The following USP43 variants were observed in gnomAD, a reference collection of about 807,000 sequenced individuals.
USP43 encodes ubiquitin carboxyl-terminal hydrolase 43.
Under a neutral mutation model 90.7 loss-of-function variants are expected in USP43, and 33 were observed. The ratio of observed to expected loss-of-function variants is 0.36; its 90% confidence interval spans 0.28 to 0.49. The LOEUF (loss-of-function observed/expected upper bound fraction) is 0.49, where lower values mean the gene tolerates loss of function less well. Among genes scored for constraint, USP43 ranks in the 20% least tolerant of loss-of-function variants. The pLI, the probability that USP43 is intolerant of heterozygous loss-of-function variation, is 0.98. For synonymous variants in USP43, 598 were observed against 615.8 expected, an observed-to-expected ratio of 0.97 and a Z score of 0.43; for missense variants, 1,274 against 1,476.4, an observed-to-expected ratio of 0.86 and a Z score of 2.25.
At chr17:9,677,124 A>G (rs748847078) in intron 5 of USP43, among the ~76,000 whole-genome samples, 53 of 152,202 alleles carry the variant, frequency 3.5e-4, no homozygotes, top group Non-Finnish European at 6.6e-4. Flanking sequence ...TTATGATCAT[A>G]ATAATTCCAG....
chr17:9,685,337 A>T (rs1914538997), intron 7 of USP43, among the ~76,000 whole-genome samples: 2 of 152,206 alleles, frequency 1.3e-5, no homozygotes, highest in Non-Finnish European at 2.9e-5. Context: ...CTCACCCAGC[A>T]TTCTGTACAC....
At chr17:9,683,874 A>C (rs998386805) in intron 7 of USP43, among the ~76,000 whole-genome samples, 5 of 152,218 alleles carry the variant, frequency 3.3e-5, no homozygotes, top group Admixed American at 1.3e-4. Flanking sequence ...ACTAGAGAAA[A>C]GGAAGCCATG....
rs1388858027 is a variant in USP43 at position 9,709,329 on chromosome 17, G to A, written c.2012-627G>A. On this transcript the variant is annotated intron_variant, in intron 12 of 14. Transcript: ENST00000285199. The surrounding 1 kb of genome is among the most constrained non-coding windows in gnomAD (Gnocchi z 5.0). ...TGAAGCTTCTCAGAAGAAATGGGGT[G>A]AACGCTGACATTATTGTTTGGCTAC... is the stretch of plus-strand genomic sequence containing the variant. 6.6e-6 allele frequency among the ~76,000 whole-genome samples: 1 copy of A among 152,164 alleles called. No homozygotes were observed. Among genetic ancestry groups the A allele is most frequent in the African/African-American group, 2.4e-5 (1 of 41,422 alleles).
At position 9,729,100 on chromosome 17, in the gene USP43, C is replaced by G; in HGVS notation, c.*110C>G. 1 of 1,190,414 alleles carries G rather than the reference C, an allele frequency of 8.4e-7. No homozygotes were observed. Among genetic ancestry groups the G allele is most frequent in the Non-Finnish European group, 1.1e-6 (1 of 904,778 alleles). 73.7% of individuals were successfully genotyped at this position (1,190,414 alleles called of 1,614,324 possible). A position where few individuals can be genotyped will look rare whatever the true frequency, so the allele number is the denominator to read the frequency against. ...CAGGAAACCCGTTGTCTTGTAATCT[C>G]TAAAAAAAAATTTTTTTTTTTTTGT... On this transcript the variant is annotated 3_prime_UTR_variant, in exon 15 of 15. Transcript: ENST00000285199.
chr17:9,728,487 G>C lies in USP43; in HGVS notation c.2869G>C (p.Glu957Gln). The change falls in exon 15 of 15, where the codon GAG becomes CAG. Residue 957 changes from glutamate (E) to glutamine (Q), a missense_variant. By Grantham distance (29) the Glu-to-Gln change is conservative. Around this residue, in one of 6 missense-constraint regions of USP43, gnomAD observed 353 missense variants for 329.7 expected, o/e 1.07. Coordinates refer to ENST00000285199, the MANE Select transcript of USP43 (RefSeq NM_153210.5). The surrounding 1 kb of genome is among the most constrained non-coding windows in gnomAD (Gnocchi z 6.2). ...PEGQKAMNWK[E>Q]SFQMGSKSSP... is the part of the protein sequence containing the mutation. ...GGGCCAGAAGGCCATGAACTGGAAG[G>C]AGAGCTTCCAGATGGGAAGCAAAAG... The C allele has an allele frequency of 1.2e-6, 2 of 1,613,776 alleles. No homozygotes were observed. Among genetic ancestry groups the C allele is most frequent in the Non-Finnish European group, 1.7e-6 (2 of 1,179,812 alleles).
intron 12 of USP43, among the ~76,000 whole-genome samples, chr17:9,708,624 T>TTTG (rs960468392): frequency 1.3e-5 from 2 of 152,076 alleles, no homozygotes; most frequent in African/African-American, 4.8e-5. Flanking sequence ...GGGCCTGTTT[T>TTTG]TTGTTGTTGT....
intron 1 of USP43, among the ~76,000 whole-genome samples, chr17:9,654,586 T>A (rs574123430): frequency 6.6e-6 from 1 of 150,756 alleles, no homozygotes; most frequent in African/African-American, 2.4e-5. Context: ...TAGGTGGAGA[T>A]TGCAGTGAGC....
intron 14 of USP43, among the ~76,000 whole-genome samples, chr17:9,714,338 C>G (rs892359068): frequency 1.6e-4 from 25 of 152,074 alleles, no homozygotes; most frequent in African/African-American, 5.8e-4. Flanking sequence ...GTCATCAGCA[C>G]ATGGATGGAA....
At chr17:9,645,349 A>C (rs1911281465), upstream of USP43, 1 of 235,600 alleles carries the variant, frequency 4.2e-6, no homozygotes, top group Non-Finnish European at 8.1e-6. This position sits in a 1 kb window ranked among gnomAD's most constrained non-coding sequence, Gnocchi z 6.8. Flanking sequence ...CGAGGTAAGG[A>C]AGGGTGGGGA....
In USP43 at chr17:9,696,979, G is replaced by C. The variant is rs1173509805; in HGVS notation, c.1458-3193G>C. Among the ~76,000 whole-genome samples the C allele has an allele frequency of 2.0e-5, 3 of 152,262 alleles. No homozygotes were observed. In the South Asian group the frequency reaches 6.2e-4, roughly 31 times the overall value. On this transcript the variant is annotated intron_variant, in intron 9 of 14. Transcript: ENST00000285199. ...CGCCTATAATCCCAGCACTTGGGGAGGCCAAGGCGGGTGGATCACTTGAGG... is the reference window on the plus strand; with the variant it reads ...CGCCTATAATCCCAGCACTTGGGGACGCCAAGGCGGGTGGATCACTTGAGG...
chr17:9,714,996 C>A (rs1029116311), intron 14 of USP43, among the ~76,000 whole-genome samples: 1 of 152,078 alleles, frequency 6.6e-6, no homozygotes, highest in Non-Finnish European at 1.5e-5. Context: ...AGCAGGTGGA[C>A]CAGAGGCTGG....
rs139914051 is a variant in USP43 at position 9,674,783 on chromosome 17, C to A, written c.741-108C>A. The A allele has an allele frequency of 2.0e-4, 173 of 885,054 alleles. No homozygotes were observed. The African/African-American group carries it at 2.4e-3, about 12-fold the overall frequency. The allele number at this position is 885,054 out of a possible 1,614,324, so 54.8% of individuals were successfully genotyped here. On this transcript the variant is annotated intron_variant, in intron 3 of 14. Transcript: ENST00000285199. The surrounding 1 kb of genome is among the most constrained non-coding windows in gnomAD (Gnocchi z 4.4). ...CTCAATTCTTCTGGGTATGTACCTA[C>A]GAGTGGAATCACAGGGAGTGGAAAT... is the stretch of plus-strand genomic sequence containing the variant.
chr17:9,690,834 G>A (rs372007349), intron 8 of USP43, among the ~76,000 whole-genome samples: 43 of 152,178 alleles, frequency 2.8e-4, no homozygotes, highest in African/African-American at 1.0e-3. Context: ...GTAGTGAGCC[G>A]AGATCGCACC....
chr17:9,700,201 C>T lies in USP43; in HGVS notation c.1487C>T (p.Pro496Leu), dbSNP rs1255757727. ...RVLHLRRPGG[P>L]PHVKLAVEWD... ...TTGCATCTCAGGAGGCCAGGAGGCCCTCCACATGTCAAGCTGGCGGTGGAG... is the reference window on the plus strand; with the variant it reads ...TTGCATCTCAGGAGGCCAGGAGGCCTTCCACATGTCAAGCTGGCGGTGGAG... The change falls in exon 10 of 15, where the codon CCT becomes CTT. Residue 496 changes from proline to leucine, a missense_variant. Pro to Leu is a moderately conservative substitution (Grantham distance 98). Coordinates refer to ENST00000285199, the MANE Select transcript of USP43 (RefSeq NM_153210.5). 3.7e-6 allele frequency: 6 copies of T among 1,607,120 alleles called. No individual in the cohort carries two copies. The highest frequency in any genetic ancestry group is 2.7e-5 in the African/African-American group (2 of 74,854).
At chr17:9,718,423 C>T (rs1916733957) in intron 14 of USP43, among the ~76,000 whole-genome samples, 1 of 152,124 alleles carries the variant, frequency 6.6e-6, no homozygotes, top group East Asian at 1.9e-4. Flanking sequence ...CTCTGGTTTA[C>T]AGTGATTTAT....
At chr17:9,661,584 C>T (rs910353383) in intron 2 of USP43, among the ~76,000 whole-genome samples, 1 of 152,100 alleles carries the variant, frequency 6.6e-6, no homozygotes, top group Non-Finnish European at 1.5e-5. Context: ...TTTCAAACTC[C>T]TGGATTCAAG....
chr17:9,680,462 T>G (rs1752426705), intron 6 of USP43, 96 bp downstream of exon 6: 1 of 1,418,850 alleles, frequency 7.0e-7, no homozygotes, highest in African/African-American at 1.4e-5. Context: ...CATCCAATTT[T>G]AGCACTTGGA....
chr17:9,667,017 A>G (rs1257115063), intron 3 of USP43, among the ~76,000 whole-genome samples: 3 of 152,180 alleles, frequency 2.0e-5, no homozygotes, highest in Non-Finnish European at 4.4e-5. Context: ...CACAGAAGGT[A>G]AATGTGAGCT....
chr17:9,678,087 G>A (rs1254847835), intron 5 of USP43, among the ~76,000 whole-genome samples: 1 of 152,158 alleles, frequency 6.6e-6, no homozygotes, highest in Non-Finnish European at 1.5e-5. Context: ...GAGTCCTGGG[G>A]AGAAAGTGAC....
Sources: allele counts gnomAD v4.1 joint callset (sites outside exome capture counted in the v4.1 genomes callset), GRCh38; gene constraint gnomAD v4.1.1; regional missense constraint gnomAD v4.1.1; non-coding constraint Gnocchi (gnomAD v3.1); transcripts MANE v1.5; gene names NCBI Gene and HGNC (gene_info 2026-07-23, HGNC 2026-07-21).